Variants in DDX10 observed in about 807,000 individuals in gnomAD.
DDX10 encodes the protein DEAD-box helicase 10.
In DDX10, 74 loss-of-function variants were observed where a neutral mutation model predicts 104.3. The ratio of observed to expected loss-of-function variants is 0.71; its 90% confidence interval spans 0.59 to 0.86. The LOEUF is 0.86. Ranked by LOEUF, DDX10 falls within the 40% of genes least tolerant of loss-of-function variation. DDX10 has a pLI of 0.00. For missense variants in DDX10, 952 were observed against 1,040.0 expected (o/e 0.92, Z 1.16); for synonymous variants, 351 against 353.4 (o/e 0.99, Z 0.08).
chr11:108,841,259 G>A (rs1232123998), intron 14 of DDX10, 56 bp from the exon 15 acceptor site: 1 of 1,467,962 alleles, frequency 6.8e-7, no homozygotes, highest in Non-Finnish European at 9.4e-7. Context: ...AAAATGAAGT[G>A]TCTTTCTGGG....
chr11:108,680,319 ATCC>A (rs1181252014), intron 6 of DDX10, among the ~76,000 whole-genome samples: 1 of 152,212 alleles, frequency 6.6e-6, no homozygotes, highest in Non-Finnish European at 1.5e-5. Context: ...GGCTCAAACA[ATCC>A]TCCTGCTTCA....
chr11:108,844,536 A>C (rs1321230531), intron 15 of DDX10, among the ~76,000 whole-genome samples: 1 of 152,220 alleles, frequency 6.6e-6, no homozygotes, highest in Non-Finnish European at 1.5e-5. Context: ...ATGTTTTCTT[A>C]AGTGGCACAT....
intron 15 of DDX10, among the ~76,000 whole-genome samples, chr11:108,842,206 A>G (rs778935688): frequency 5.3e-5 from 8 of 152,290 alleles, no homozygotes; most frequent in Non-Finnish European, 1.2e-4. Context: ...CCATTATACT[A>G]CTTAATTCCC....
intron 1 of DDX10, among the ~76,000 whole-genome samples, chr11:108,670,854 C>G (rs186392545): frequency 3.5e-3 from 524 of 151,230 alleles, no homozygotes; most frequent in Non-Finnish European, 5.5e-3. Context: ...GTTTGCTGTT[C>G]TTCTCTTGAC....
chr11:108,867,334 A>G (rs1271563335), intron 16 of DDX10, among the ~76,000 whole-genome samples: 1 of 152,180 alleles, frequency 6.6e-6, no homozygotes. Flanking sequence ...ATTTTTGCAT[A>G]TGCATTTATT....
intron 13 of DDX10, among the ~76,000 whole-genome samples, chr11:108,761,992 G>C (rs552144297): frequency 6.6e-6 from 1 of 152,256 alleles, no homozygotes; most frequent in Non-Finnish European, 1.5e-5. Flanking sequence ...CATTAAAAAT[G>C]AGTACAGTTG....
At chr11:108,904,917 C>G (rs536436654) in intron 16 of DDX10, among the ~76,000 whole-genome samples, 1 of 152,268 alleles carries the variant, frequency 6.6e-6, no homozygotes, top group Admixed American at 6.5e-5. Context: ...CTAAGACTTG[C>G]ATATGTCACC....
At chr11:108,844,611 T>C (rs1159499026) in intron 15 of DDX10, among the ~76,000 whole-genome samples, 1 of 152,200 alleles carries the variant, frequency 6.6e-6, no homozygotes, top group African/African-American at 2.4e-5. Flanking sequence ...TACTGTGGAA[T>C]AACCTGTACT....
rs150312155 is a variant in DDX10 at position 108,679,462 on chromosome 11, A to G, written c.750A>G (p.Leu250=). ...ATCTCCCCAAGAAACGTCAGACTTT[A>G]CTTTTCTCAGCAACACAAACTAAAT... ...IENLPKKRQT[L]LFSATQTKSV... Residue 250 remains leucine, a synonymous_variant, in exon 6 of 18, where the codon TTA becomes TTG. Transcript: ENST00000322536. 162 of 1,613,772 alleles carry G rather than the reference A, an allele frequency of 1.0e-4. No individual in the cohort carries two copies. Among genetic ancestry groups the G allele is most frequent in the Non-Finnish European group, 1.3e-4 (154 of 1,179,982 alleles).
intron 13 of DDX10, among the ~76,000 whole-genome samples, chr11:108,764,146 C>G (rs2094353817): frequency 6.6e-6 from 1 of 152,118 alleles, no homozygotes; most frequent in Non-Finnish European, 1.5e-5. Flanking sequence ...AAGTTTGCCT[C>G]CTTCAATTTT....
intron 16 of DDX10, among the ~76,000 whole-genome samples, chr11:108,864,042 T>C (rs1195068906): frequency 1.3e-5 from 2 of 152,230 alleles, no homozygotes; most frequent in Admixed American, 6.5e-5. Context: ...CTCTTTAGAA[T>C]AACAGTAGTG....
chr11:108,770,288 TACAG>T (rs1388917411), intron 13 of DDX10, among the ~76,000 whole-genome samples: 1 of 152,212 alleles, frequency 6.6e-6, no homozygotes, highest in Non-Finnish European at 1.5e-5. Flanking sequence ...TCCTTTGAGT[TACAG>T]ACAATTTGAT....
At chr11:108,846,341 T>C (rs1378285062) in intron 15 of DDX10, among the ~76,000 whole-genome samples, 1 of 152,202 alleles carries the variant, frequency 6.6e-6, no homozygotes, top group Non-Finnish European at 1.5e-5. Flanking sequence ...CACCAAGCTG[T>C]GCAATAGATC....
chr11:108,687,214 G>A (rs2134447211), intron 6 of DDX10, among the ~76,000 whole-genome samples: 1 of 152,348 alleles, frequency 6.6e-6, no homozygotes, highest in Non-Finnish European at 1.5e-5. Flanking sequence ...TGTCGTCACT[G>A]TTCTGGATTT....
At chr11:108,857,660 T>C (rs1343822289) in intron 16 of DDX10, among the ~76,000 whole-genome samples, 3 of 152,242 alleles carry the variant, frequency 2.0e-5, no homozygotes, top group Admixed American at 2.0e-4. Context: ...TGATTTCTTA[T>C]TTTGTAGACA....
chr11:108,880,570 A>G (rs1863214559), intron 16 of DDX10, among the ~76,000 whole-genome samples: 1 of 152,216 alleles, frequency 6.6e-6, no homozygotes, highest in Non-Finnish European at 1.5e-5. Context: ...GATAGCAGAT[A>G]TATTCAAATG....
rs1179997602 is a variant in DDX10 at position 108,905,316 on chromosome 11, G to GT, written c.2305-12557_2305-12556insT. On this transcript the variant is annotated intron_variant, in intron 16 of 17. Coordinates refer to ENST00000322536, the MANE Select transcript of DDX10 (RefSeq NM_004398.4). Reference sequence around the variant, plus strand: ...AAGGTACTATTAGATTGTTTAAGGGGGGGGGGGGTTGAAATCCTGTGATCC... The same window carrying GT: ...AAGGTACTATTAGATTGTTTAAGGGGTGGGGGGGGTTGAAATCCTGTGATCC... 5.0e-4 allele frequency among the ~76,000 whole-genome samples: 75 copies of GT among 149,604 alleles called. 1 individual carries two copies. The highest frequency in any genetic ancestry group is 9.7e-4 in the Non-Finnish European group (65 of 67,192).
At chr11:108,734,502 A>G (rs892339870) in intron 13 of DDX10, among the ~76,000 whole-genome samples, 4 of 152,172 alleles carry the variant, frequency 2.6e-5, no homozygotes, top group African/African-American at 9.7e-5. Context: ...TTTGGTATGC[A>G]GATGACTTCC....
At chr11:108,796,049 C>G (rs1469310269) in intron 13 of DDX10, among the ~76,000 whole-genome samples, 1 of 152,150 alleles carries the variant, frequency 6.6e-6, no homozygotes, top group Non-Finnish European at 1.5e-5. Context: ...TTATACCTTT[C>G]AATAAATTTG....
Sources: allele counts gnomAD v4.1 joint callset (sites outside exome capture counted in the v4.1 genomes callset), GRCh38; gene constraint gnomAD v4.1.1; transcripts MANE v1.5; gene names NCBI Gene and HGNC (gene_info 2026-07-23, HGNC 2026-07-21).